The following ITPKB variants were observed in gnomAD, a reference collection of about 807,000 sequenced individuals.
ITPKB encodes the protein inositol-trisphosphate 3-kinase B, also known as IP3 3-kinase B.
Under a neutral mutation model 69.4 loss-of-function variants are expected in ITPKB, and 13 were observed. The ratio of observed to expected loss-of-function variants is 0.19; its 90% confidence interval spans 0.12 to 0.30. The LOEUF (loss-of-function observed/expected upper bound fraction) is 0.30. ITPKB is among the 10% of genes least tolerant of loss of function. ITPKB has a pLI of 1.00. For synonymous variants in ITPKB, 584 were observed against 513.7 expected (o/e 1.14, Z -1.85); for missense variants, 1,240 against 1,250.5 (o/e 0.99, Z 0.13).
At chr1:226,648,851 C>T (rs1429898306) in intron 2 of ITPKB, 80 bp from the exon 3 acceptor site, 1 of 988,000 alleles carries the variant, frequency 1.0e-6, no homozygotes, top group Middle Eastern at 2.1e-4. Flanking sequence ...AAGCAAAGGC[C>T]CTCATTGCCT....
chr1:226,688,833 A>C (rs1179049192), intron 2 of ITPKB, among the ~76,000 whole-genome samples: 1 of 152,184 alleles, frequency 6.6e-6, no homozygotes, highest in African/African-American at 2.4e-5. Flanking sequence ...AGGGATAGGG[A>C]TGGGAATTGG....
chr1:226,735,505 C>T (rs1222411200), intron 2 of ITPKB, 22 bp downstream of exon 2: 1 of 1,482,600 alleles, frequency 6.7e-7, no homozygotes, highest in South Asian at 1.4e-5. Flanking sequence ...GAGTTCTGGG[C>T]AAATCTCAGA....
In ITPKB at chr1:226,631,889, G is replaced by A. The variant is rs1668737373; in HGVS notation, c.*2782C>T. The A allele has an allele frequency of 6.6e-6, 1 of 152,234 alleles. No individual in the cohort carries two copies. The highest frequency in any genetic ancestry group is 2.4e-5 in the African/African-American group (1 of 41,396). 9.4% of individuals were successfully genotyped at this position (152,234 alleles called of 1,614,324 possible). ...GTGACCACCCCAGAGCCAGGGGCTG[G>A]GTTATATACACATGGGGTGGACAGA... On this transcript the variant is annotated 3_prime_UTR_variant, in exon 8 of 8. Transcript: ENST00000429204.
chr1:226,683,681 T>G (rs1385139693), intron 2 of ITPKB, among the ~76,000 whole-genome samples: 1 of 152,126 alleles, frequency 6.6e-6, no homozygotes, highest in Non-Finnish European at 1.5e-5. Context: ...TCCCCCCGAC[T>G]TGATGCTCCA....
At chr1:226,659,297 C>G (rs376997433) in intron 2 of ITPKB, among the ~76,000 whole-genome samples, 1 of 152,102 alleles carries the variant, frequency 6.6e-6, no homozygotes, top group Non-Finnish European at 1.5e-5. Context: ...AAGGCCCAGA[C>G]GGCAAGGACA....
In ITPKB at chr1:226,735,871, CCT is replaced by C; in HGVS notation, c.1586_1587del (p.Glu529GlyfsTer11). 2 of 1,608,582 alleles carry C rather than the reference CCT, an allele frequency of 1.2e-6. No homozygotes were observed. On this transcript the variant is annotated frameshift_variant, in exon 2 of 8. Coordinates refer to ENST00000429204, the MANE Select transcript of ITPKB (RefSeq NM_002221.4). LOFTEE classifies it high-confidence loss of function. ...AWTRGTGVQS[E>X]GTWESQRQDS... The stretch of plus-strand genomic sequence containing the variant: ...TCCTGCCGCTGGCTTTCCCAAGTCC[CCT>C]CTGATTGCACCCCTGTGCCACGCGT...
intron 2 of ITPKB, among the ~76,000 whole-genome samples, chr1:226,720,706 C>A (rs1414518842): frequency 2.6e-5 from 4 of 152,168 alleles, no homozygotes; most frequent in African/African-American, 7.2e-5. Flanking sequence ...CCTGTTAATT[C>A]ATATTGAACT....
At chr1:226,677,399 A>G (rs1341332077) in intron 2 of ITPKB, among the ~76,000 whole-genome samples, 1 of 152,134 alleles carries the variant, frequency 6.6e-6, no homozygotes, top group African/African-American at 2.4e-5. Flanking sequence ...CAGAGGGGGA[A>G]GTACACAGAG....
At chr1:226,656,112 AC>A (rs1248501672) in intron 2 of ITPKB, among the ~76,000 whole-genome samples, 4 of 152,172 alleles carry the variant, frequency 2.6e-5, no homozygotes, top group Non-Finnish European at 5.9e-5. Flanking sequence ...TTAAAATGCA[AC>A]CCAGAAACCC....
chr1:226,685,674 C>A (rs1408507513), intron 2 of ITPKB, among the ~76,000 whole-genome samples: 1 of 152,206 alleles, frequency 6.6e-6, no homozygotes, highest in Admixed American at 6.5e-5. Context: ...ACCAGTGACA[C>A]CTCCACGTCC....
At chr1:226,729,330 A>G (rs186383004) in intron 2 of ITPKB, among the ~76,000 whole-genome samples, 4 of 151,846 alleles carry the variant, frequency 2.6e-5, no homozygotes, top group African/African-American at 9.7e-5. Flanking sequence ...AAAAATACAA[A>G]AATTATCCGG....
At chr1:226,651,832 G>C (rs1669200206) in intron 2 of ITPKB, among the ~76,000 whole-genome samples, 1 of 152,168 alleles carries the variant, frequency 6.6e-6, no homozygotes. Flanking sequence ...GGATCCACAA[G>C]CCTCTCACAT....
intron 2 of ITPKB, among the ~76,000 whole-genome samples, chr1:226,681,178 T>C (rs1177576451): frequency 2.0e-5 from 3 of 152,172 alleles, no homozygotes; most frequent in African/African-American, 7.2e-5. Context: ...GTGGGGTGCT[T>C]CTCAGTCCAC....
chr1:226,638,638 G>A (rs1668888039), intron 6 of ITPKB, among the ~76,000 whole-genome samples: 2 of 152,072 alleles, frequency 1.3e-5, no homozygotes, highest in African/African-American at 4.8e-5. Context: ...TCCAGTCTGC[G>A]AGCCGCTGCA....
At chr1:226,691,717 T>C (rs1343422208) in intron 2 of ITPKB, among the ~76,000 whole-genome samples, 5 of 152,240 alleles carry the variant, frequency 3.3e-5, no homozygotes, top group African/African-American at 4.8e-5. Context: ...TAAATAACAA[T>C]GCTGTAATGC....
At chr1:226,719,221 G>A (rs1219196108) in intron 2 of ITPKB, among the ~76,000 whole-genome samples, 1 of 152,216 alleles carries the variant, frequency 6.6e-6, no homozygotes, top group Non-Finnish European at 1.5e-5. Flanking sequence ...AGAGGTTCCA[G>A]TGAGCCAAGA....
At chr1:226,688,571 G>A (rs1656270964) in intron 2 of ITPKB, among the ~76,000 whole-genome samples, 1 of 152,226 alleles carries the variant, frequency 6.6e-6, no homozygotes, top group South Asian at 2.1e-4. Context: ...TGCCCAAAAT[G>A]CTAATGAAGC....
At position 226,737,553 on chromosome 1, in the gene ITPKB, G is replaced by A; in HGVS notation, c.-95C>T. 8.1e-7 allele frequency: 1 copy of A among 1,238,326 alleles called. No individual in the cohort carries two copies. Among genetic ancestry groups the A allele is most frequent in the Non-Finnish European group, 1.0e-6 (1 of 993,556 alleles). 76.7% of individuals were successfully genotyped at this position (1,238,326 alleles called of 1,614,324 possible). ...CGGCGCTCCCGGCTCAGCCCCGGAG[G>A]CCCGGCAGCCGCGGCTCCGCGCGCA... On this transcript the variant is annotated 5_prime_UTR_variant, in exon 2 of 8. Transcript: ENST00000429204.
rs1657022091 is a variant in ITPKB at position 226,713,430 on chromosome 1, GC to G, written c.1932+22096del. 9.2e-5 allele frequency among the ~76,000 whole-genome samples: 14 copies of G among 152,274 alleles called. No homozygotes were observed. In the South Asian group the frequency reaches 2.9e-3, roughly 32 times the overall value. On this transcript the variant is annotated intron_variant, in intron 2 of 7. Transcript: ENST00000429204. ...ATTTTTGTTTCTCTAAGGCCTCTGTGCCCCCTCTGTCAAGGGGCGACAAGGA... is the reference window on the plus strand; with the variant it reads ...ATTTTTGTTTCTCTAAGGCCTCTGTGCCCCTCTGTCAAGGGGCGACAAGGA...
Sources: gnomAD v4.1 joint callset for allele counts (sites outside exome capture counted in the v4.1 genomes callset) on GRCh38, gnomAD v4.1.1 for gene constraint, MANE v1.5 for transcripts, NCBI Gene and HGNC (gene_info 2026-07-23, HGNC 2026-07-21) for gene names.